The following LBP variants were observed in gnomAD, a reference collection of about 807,000 sequenced individuals.
The protein encoded by LBP is lipopolysaccharide binding protein.
A neutral mutation model predicts 56.6 loss-of-function variants in LBP; 53 were observed. The observed-to-expected ratio is 0.94, with a 90% confidence interval of 0.75 to 1.18. The LOEUF (loss-of-function observed/expected upper bound fraction) is 1.18. Among genes scored for constraint, LBP ranks in the 50% most tolerant of loss-of-function variants. The pLI, the probability that LBP is intolerant of heterozygous loss-of-function variation, is 0.00. For missense variants in LBP, 601 were observed against 598.3 expected (o/e 1.00, Z -0.05); for synonymous variants, 227 against 247.5 (o/e 0.92, Z 0.78).
Position 38,349,633 on chromosome 20 carries a change from C to A in LBP, c.210C>A (p.His70Gln), listed in dbSNP as rs780677282. 6.2e-7 allele frequency: 1 copy of A among 1,609,954 alleles called. No homozygotes were observed. Among genetic ancestry groups the A allele is most frequent in the East Asian group, 2.2e-5 (1 of 44,784 alleles). ...TCACCGGGGACTTGAGGATCCCCCA[C>A]GTCGGCCGTGGGCGCTATGAGTTCC... ...PDFTGDLRIP[H>Q]VGRGRYEFHS... Residue 70 changes from histidine to glutamine, a missense_variant, in exon 2 of 15, where the codon CAC becomes CAA. His to Gln is a conservative substitution (Grantham distance 24, BLOSUM62 0). Coordinates refer to ENST00000217407, the MANE Select transcript of LBP (RefSeq NM_004139.5).
intron 5 of LBP, among the ~76,000 whole-genome samples, chr20:38,359,232 T>A (rs1053139899): frequency 5.9e-5 from 9 of 152,168 alleles, no homozygotes; most frequent in Non-Finnish European, 1.0e-4. Context: ...GTTTTTTGGT[T>A]TTTTTTGCAC....
At chr20:38,356,420 G>GCACA (rs34125610) in intron 5 of LBP, among the ~76,000 whole-genome samples, 29 of 124,888 alleles carry the variant, frequency 2.3e-4, no homozygotes, top group African/African-American at 7.3e-4. Context: ...ACACACACGC[G>GCACA]CACACACACA....
rs191290370 is a variant in LBP, at chr20:38,346,898, G to T, written c.124+258G>T. ...CGTGCAAGTAGTTGATTTGGGAAAT[G>T]ATTCCAGGAAACACTGTAGGGAATC... On this transcript the variant is annotated intron_variant, in intron 1 of 14. Transcript: ENST00000217407. Among the ~76,000 whole-genome samples, 271 of 152,342 alleles carry T rather than the reference G, an allele frequency of 1.8e-3. 1 individual carries two copies. The highest frequency in any genetic ancestry group is 6.6e-4 in the Non-Finnish European group (45 of 68,038).
intron 6 of LBP, among the ~76,000 whole-genome samples, chr20:38,362,384 G>A (rs959598930): frequency 4.7e-5 from 7 of 147,790 alleles, no homozygotes; most frequent in South Asian, 4.4e-4. Flanking sequence ...AGGCCGAGGC[G>A]GGTGGATTAC....
At chr20:38,371,543 T>C (rs545610957) in intron 12 of LBP, among the ~76,000 whole-genome samples, 1 of 152,146 alleles carries the variant, frequency 6.6e-6, no homozygotes, top group Non-Finnish European at 1.5e-5. Flanking sequence ...TGAACAGAAT[T>C]CTCTTAACTG....
At chr20:38,371,495 T>C (rs2076900737) in intron 12 of LBP, among the ~76,000 whole-genome samples, 173 bp downstream of exon 12, 1 of 152,206 alleles carries the variant, frequency 6.6e-6, no homozygotes, top group African/African-American at 2.4e-5. Flanking sequence ...GGAACAGTTA[T>C]ATCCTAGTAT....
At chr20:38,362,137 C>T (rs2076862663) in intron 6 of LBP, among the ~76,000 whole-genome samples, 1 of 148,714 alleles carries the variant, frequency 6.7e-6, no homozygotes, top group South Asian at 2.1e-4. Flanking sequence ...CGGCTCACTG[C>T]AAGCTTCGCC....
intron 2 of LBP, among the ~76,000 whole-genome samples, chr20:38,350,119 G>C (rs1170410227): frequency 1.3e-5 from 2 of 152,176 alleles, no homozygotes; most frequent in East Asian, 3.9e-4. Flanking sequence ...TACTAGACTT[G>C]AGCAGCTGAT....
At position 38,364,640 on chromosome 20, in the gene LBP, C is replaced by T. The variant is rs980602529; in HGVS notation, c.809C>T (p.Pro270Leu). 45 of 1,614,006 alleles carry T rather than the reference C, an allele frequency of 2.8e-5. No homozygotes were observed. The highest frequency in any genetic ancestry group is 3.6e-5 in the Non-Finnish European group (42 of 1,180,032). The change falls in exon 8 of 15, where the codon CCT (proline) becomes CTT (leucine). Residue 270 changes from proline (P) to leucine (L), a missense_variant. Physicochemically the swap from Pro to Leu is moderately conservative, Grantham distance 98. Coordinates refer to ENST00000217407, the MANE Select transcript of LBP (RefSeq NM_004139.5). ...VTLLAAVMSL[P>L]EEHNKMVYFA... ...CTCCTTGCTGCAGTCATGAGCCTTC[C>T]TGAGGAACACAACAAAATGGTCTAC... is the stretch of plus-strand genomic sequence containing the variant.
At chr20:38,362,980 C>G (rs2122613544) in intron 6 of LBP, among the ~76,000 whole-genome samples, 1 of 152,228 alleles carries the variant, frequency 6.6e-6, no homozygotes, top group Middle Eastern at 3.4e-3. Context: ...AACATGAGGT[C>G]CATGCATATT....
chr20:38,350,811 C>G lies in LBP; in HGVS notation c.240C>G (p.Ser80Arg). The G allele has an allele frequency of 6.2e-7, 1 of 1,602,528 alleles. No individual in the cohort carries two copies. Among genetic ancestry groups the G allele is most frequent in the South Asian group, 1.1e-5 (1 of 90,700 alleles). The change falls in exon 3 of 15, where the codon AGC (serine) becomes AGG (arginine). Residue 80 changes from serine (S) to arginine (R), a missense_variant and splice_region_variant. Transcript: ENST00000217407. ...CCTCCTTCCATGTCTCTCCCTTCAG[C>G]CTGAACATCCACAGCTGTGAGCTGC... ...HVGRGRYEFH[S>R]LNIHSCELLH...
chr20:38,373,909 T>C, intron 13 of LBP, 28 bp from the exon 14 acceptor site: 4 of 1,596,262 alleles, frequency 2.5e-6, no homozygotes, highest in Non-Finnish European at 3.4e-6. Flanking sequence ...TTCACCAATC[T>C]CTTTCAATGT....
At chr20:38,374,145 G>T (rs531348599) in intron 14 of LBP, 132 bp downstream of exon 14, 7 of 824,488 alleles carry the variant, frequency 8.5e-6, no homozygotes, top group Admixed American at 2.2e-5. Context: ...GGGGCAGGAC[G>T]GGTGCTCCTG....
intron 6 of LBP, among the ~76,000 whole-genome samples, chr20:38,363,090 G>C (rs187921041): frequency 6.6e-6 from 1 of 152,136 alleles, no homozygotes; most frequent in South Asian, 2.1e-4. Flanking sequence ...ACTGTTGAAG[G>C]CCATCTGGGG....
chr20:38,363,118 C>T (rs1405016265), intron 6 of LBP, among the ~76,000 whole-genome samples: 1 of 152,056 alleles, frequency 6.6e-6, no homozygotes, highest in Non-Finnish European at 1.5e-5. Context: ...AGTTTTAGGC[C>T]ATTATCCGTA....
In LBP at chr20:38,373,129, T is replaced by C. The variant is rs1199393677; in HGVS notation, c.1318T>C (p.Phe440Leu). Residue 440 changes from phenylalanine (F) to leucine (L), a missense_variant, in exon 13 of 15, where the codon TTC (phenylalanine) becomes CTC (leucine). Coordinates refer to ENST00000217407, the MANE Select transcript of LBP (RefSeq NM_004139.5). ...CATCCTTAACACCTTCTACCCCAAG[T>C]TCAATGGTAAGAATCACTGTGGATT... The part of the protein sequence containing the change: ...YYILNTFYPK[F>L]NDKLAEGFPL... 2.5e-6 allele frequency: 4 copies of C among 1,613,170 alleles called. No homozygotes were observed. The highest frequency in any genetic ancestry group is 3.4e-6 in the Non-Finnish European group (4 of 1,179,122).
rs891225903 is a variant in LBP, at chr20:38,375,697, G to A, written c.1402-928G>A. ...TTATTCAAACTATTATTCTGACCAA[G>A]CATTTTGTGGTCTATCTGTGCTTCC... is the stretch of plus-strand genomic sequence containing the variant. On this transcript the variant is annotated intron_variant, in intron 14 of 14. Coordinates refer to ENST00000217407, the MANE Select transcript of LBP (RefSeq NM_004139.5). Among the ~76,000 whole-genome samples the A allele has an allele frequency of 3.9e-5, 6 of 152,308 alleles. No homozygotes were observed. In the Middle Eastern group the frequency reaches 0.01, roughly 259 times the overall value.
intron 6 of LBP, among the ~76,000 whole-genome samples, chr20:38,362,619 GA>G (rs968378841): frequency 9.7e-5 from 14 of 144,740 alleles, no homozygotes; most frequent in African/African-American, 2.9e-4. Context: ...TCTCAACAAA[GA>G]AAAAAAATAA....
At chr20:38,370,174 G>C (rs1038695901) in intron 10 of LBP, among the ~76,000 whole-genome samples, 2 of 152,054 alleles carry the variant, frequency 1.3e-5, no homozygotes, top group African/African-American at 4.8e-5. Context: ...AGGAGTTTGA[G>C]AGCAGCCTGG....
Sources: allele counts gnomAD v4.1 joint callset (sites outside exome capture counted in the v4.1 genomes callset), GRCh38; gene constraint gnomAD v4.1.1; transcripts MANE v1.5; gene names NCBI Gene and HGNC (gene_info 2026-07-23, HGNC 2026-07-21).